The following SUMO2 variants were observed in gnomAD, a reference collection of about 807,000 sequenced individuals.
SUMO2 encodes the protein small ubiquitin like modifier 2.
In SUMO2, 1 loss-of-function variant was observed where a neutral mutation model predicts 16.0. That is an observed-to-expected ratio of 0.06 (90% CI 0.02 to 0.30). The LOEUF (loss-of-function observed/expected upper bound fraction) is 0.30. SUMO2 is among the 10% of genes least tolerant of loss of function. The pLI is 1.00. For synonymous variants in SUMO2, 36 were observed against 40.6 expected, an observed-to-expected ratio of 0.89 and a Z score of 0.43; for missense variants, 16 against 117.5, an observed-to-expected ratio of 0.14 and a Z score of 3.99.
At chr17:75,176,312 G>GA (rs2074782225) in intron 2 of SUMO2, among the ~76,000 whole-genome samples, 1 of 151,762 alleles carries the variant, frequency 6.6e-6, no homozygotes, top group African/African-American at 2.4e-5. Flanking sequence ...AAATTTAAAG[G>GA]AAAAAAATGC....
At position 75,167,873 on chromosome 17, in the gene SUMO2, A is replaced by G. The variant is rs1598219635; in HGVS notation, c.*466T>C. The stretch of plus-strand genomic sequence containing the variant: ...TGTAACAGCTACGTACAAAAAAGTT[A>G]TAAAATTGTCCTTGGTTTTACAATG... On this transcript the variant is annotated 3_prime_UTR_variant, in exon 4 of 4. Transcript: ENST00000420826. 1.2e-5 allele frequency: 2 copies of G among 163,954 alleles called. No homozygotes were observed. Among genetic ancestry groups the G allele is most frequent in the Middle Eastern group, 6.7e-3 (2 of 298 alleles). The allele number at this position is 163,954 out of a possible 1,614,324, so 10.2% of individuals were successfully genotyped here. A position where few individuals can be genotyped will look rare whatever the true frequency, so the allele number is the denominator to read the frequency against.
At chr17:75,170,816 C>A (rs1391854342) in intron 3 of SUMO2, among the ~76,000 whole-genome samples, 1 of 148,576 alleles carries the variant, frequency 6.7e-6, no homozygotes. Flanking sequence ...CGCCACTGCA[C>A]TCCAGCCTGG....
At chr17:75,181,313 TA>T (rs1311035391) in intron 1 of SUMO2, 125 bp from the exon 2 acceptor site, 1 of 966,096 alleles carries the variant, frequency 1.0e-6, no homozygotes, top group Non-Finnish European at 1.5e-6. Context: ...TAAAACGGCA[TA>T]CTGCTGTTTT....
Position 75,166,973 on chromosome 17 carries a change from G to A in SUMO2, c.*1366C>T, listed in dbSNP as rs2074697863. The A allele has an allele frequency of 6.6e-6, 1 of 151,538 alleles. No homozygotes were observed. The highest frequency in any genetic ancestry group is 2.1e-4 in the South Asian group (1 of 4,802). The allele number at this position is 151,538 out of a possible 1,614,324, so 9.4% of individuals were successfully genotyped here. A position where few individuals can be genotyped will look rare whatever the true frequency, so the allele number is the denominator to read the frequency against. Reference sequence around the variant, plus strand: ...AAAATAATAAAGACTGTAGTGACCTGTATATTTAAGGTTCTGAGGATGGAT... The same window carrying A: ...AAAATAATAAAGACTGTAGTGACCTATATATTTAAGGTTCTGAGGATGGAT... On this transcript the variant is annotated 3_prime_UTR_variant, in exon 4 of 4. Coordinates refer to ENST00000420826, the MANE Select transcript of SUMO2 (RefSeq NM_006937.4).
Position 75,177,988 on chromosome 17 carries a change from CAAAAAAAAAAAA to C in SUMO2, c.153+3057_153+3068del, listed in dbSNP as rs59613076. On this transcript the variant is annotated intron_variant, in intron 2 of 3. Coordinates refer to ENST00000420826, the MANE Select transcript of SUMO2 (RefSeq NM_006937.4). ...TGACCGACAAAGCGAGACTCCGTCT[CAAAAAAAAAAAA>C]AAAAAAAAAAAGAATCGCCCAGTGG... is the stretch of plus-strand genomic sequence containing the variant. Among the ~76,000 whole-genome samples the C allele has an allele frequency of 5.9e-3, 390 of 66,436 alleles. 6 individuals carry two copies. The highest frequency in any genetic ancestry group is 0.023 in the African/African-American group (339 of 14,820). The allele number at this position is 66,436 out of a possible 152,430, so 43.6% of individuals were successfully genotyped here.
intron 2 of SUMO2, among the ~76,000 whole-genome samples, chr17:75,179,538 A>T (rs553022935): frequency 1.3e-3 from 191 of 152,240 alleles, no homozygotes; most frequent in Non-Finnish European, 1.9e-3. Context: ...AAAAAAAAAA[A>T]AAAAAAAGGT....
At chr17:75,177,095 G>A (rs964877351) in intron 2 of SUMO2, among the ~76,000 whole-genome samples, 2 of 150,920 alleles carry the variant, frequency 1.3e-5, no homozygotes, top group African/African-American at 4.9e-5. Flanking sequence ...GTTGAGGGGG[G>A]AAAATTGCAT....
At chr17:75,173,866 G>A (rs1417680827) in intron 3 of SUMO2, among the ~76,000 whole-genome samples, 1 of 152,144 alleles carries the variant, frequency 6.6e-6, no homozygotes, top group African/African-American at 2.4e-5. Flanking sequence ...TGCCACAGAA[G>A]ACAATCCAGC....
chr17:75,168,433 A>G, intron 3 of SUMO2, 32 bp from the exon 4 acceptor site: 1 of 1,572,614 alleles, frequency 6.4e-7, no homozygotes, highest in Middle Eastern at 1.7e-4. Flanking sequence ...ATGTAAAAGC[A>G]CTGATTAAGT....
rs140329958 is a variant in SUMO2, at chr17:75,172,516, C to T, written c.225+2236G>A. On this transcript the variant is annotated intron_variant, in intron 3 of 3. Transcript: ENST00000420826. Reference sequence around the variant, plus strand: ...TTTTTTTTTTTTTTTGAGTTTCGCTCGTTACCCATGCTCGAGTGCAATGGC... The same window carrying T: ...TTTTTTTTTTTTTTTGAGTTTCGCTTGTTACCCATGCTCGAGTGCAATGGC... 2.3e-4 allele frequency among the ~76,000 whole-genome samples: 33 copies of T among 144,048 alleles called. No individual in the cohort carries two copies. In the East Asian group the frequency reaches 5.5e-3, roughly 24 times the overall value. 94.5% of individuals were successfully genotyped at this position (144,048 alleles called of 152,430 possible).
chr17:75,180,266 A>T (rs1568049102), intron 2 of SUMO2, among the ~76,000 whole-genome samples: 1 of 151,732 alleles, frequency 6.6e-6, no homozygotes, highest in African/African-American at 2.4e-5. Flanking sequence ...GTGAGCCAAG[A>T]TTGCACCACT....
chr17:75,170,844 C>T (rs576403336), intron 3 of SUMO2, among the ~76,000 whole-genome samples: 3 of 129,432 alleles, frequency 2.3e-5, no homozygotes, highest in Admixed American at 8.5e-5. Context: ...TGCGAGACTC[C>T]AGGTCTCAAA....
chr17:75,181,850 G>A (rs1007934354), intron 1 of SUMO2, among the ~76,000 whole-genome samples: 2 of 151,956 alleles, frequency 1.3e-5, no homozygotes, highest in African/African-American at 2.4e-5. Context: ...TGTTGTCATG[G>A]GTCAAATACA....
chr17:75,179,477 G>A (rs965968500), intron 2 of SUMO2, among the ~76,000 whole-genome samples: 1 of 147,334 alleles, frequency 6.8e-6, no homozygotes, highest in African/African-American at 2.5e-5. Context: ...GCAGTGAGTC[G>A]AGATTGCACT....
chr17:75,171,378 A>G (rs532538873), intron 3 of SUMO2, among the ~76,000 whole-genome samples: 42 of 150,884 alleles, frequency 2.8e-4, no homozygotes, highest in African/African-American at 9.5e-4. Flanking sequence ...GCCAGGCATC[A>G]TGGTGGGCGC....
At chr17:75,170,000 C>CA (rs2074724403) in intron 3 of SUMO2, among the ~76,000 whole-genome samples, 1 of 151,446 alleles carries the variant, frequency 6.6e-6, no homozygotes, top group Non-Finnish European at 1.5e-5. Context: ...ACTAAAAATA[C>CA]AAAAAACAAA....
Position 75,166,009 on chromosome 17 carries a change from G to T in SUMO2, c.*2330C>A. ...CCACTGCACTCCAGCCTGGGCGACA[G>T]AGCAAGACTCCGTCTGAAAAAAAAA... On this transcript the variant is annotated 3_prime_UTR_variant, in exon 4 of 4. Transcript: ENST00000420826. The T allele has an allele frequency of 6.6e-6, 1 of 152,308 alleles. No individual in the cohort carries two copies. Among genetic ancestry groups the T allele is most frequent in the East Asian group, 2.0e-4 (1 of 5,046 alleles). 9.4% of individuals were successfully genotyped at this position (152,308 alleles called of 1,614,324 possible). A position where few individuals can be genotyped will look rare whatever the true frequency, so the allele number is the denominator to read the frequency against.
chr17:75,182,175 A>G, intron 1 of SUMO2, among the ~76,000 whole-genome samples: 1 of 152,156 alleles, frequency 6.6e-6, no homozygotes, highest in East Asian at 1.9e-4. Context: ...GTTGGCACCC[A>G]GGGAAAAGCC....
chr17:75,177,127 C>G (rs1301304326), intron 2 of SUMO2, among the ~76,000 whole-genome samples: 1 of 146,436 alleles, frequency 6.8e-6, no homozygotes, highest in Non-Finnish European at 1.5e-5. Context: ...GTGGAGGTTG[C>G]AATGAGCCGA....
Sources: allele counts gnomAD v4.1 joint callset (sites outside exome capture counted in the v4.1 genomes callset), GRCh38; gene constraint gnomAD v4.1.1; transcripts MANE v1.5; gene names NCBI Gene and HGNC (gene_info 2026-07-23, HGNC 2026-07-21).